GNAI1: variants seen among roughly 807,000 people sequenced by gnomAD.
The protein encoded by GNAI1 is guanine nucleotide-binding protein G(i) subunit alpha-1.
In GNAI1, 11 loss-of-function variants were observed where a neutral mutation model predicts 38.9. The ratio of observed to expected loss-of-function variants is 0.28; its 90% CI spans 0.18 to 0.47. The LOEUF is 0.47. Among genes scored for constraint, GNAI1 ranks in the 20% least tolerant of loss-of-function variants. The pLI is 0.99. For missense variants in GNAI1, 317 were observed against 436.9 expected (o/e 0.73, Z 2.45); for synonymous variants, 166 against 145.1 (o/e 1.14, Z -1.04).
At chr7:80,193,757 G>C (rs1166432927) in intron 3 of GNAI1, among the ~76,000 whole-genome samples, 1 of 151,654 alleles carries the variant, frequency 6.6e-6, no homozygotes, top group Non-Finnish European at 1.5e-5. Flanking sequence ...TGTTCACTCT[G>C]AGAGTTTTTA....
In GNAI1 at chr7:80,217,975, A is replaced by C. The variant is rs1161881474; in HGVS notation, c.*482A>C. 6.6e-6 allele frequency: 1 copy of C among 152,586 alleles called. No homozygotes were observed. The highest frequency in any genetic ancestry group is 1.9e-4 in the East Asian group (1 of 5,186). 9.5% of individuals were successfully genotyped at this position (152,586 alleles called of 1,614,324 possible). The stretch of plus-strand genomic sequence containing the variant: ...TTTAAGTACAGTAATTAATATTAGG[A>C]AACATTACAGCCCTTATCTAGATTA... On this transcript the variant is annotated 3_prime_UTR_variant, in exon 8 of 8. Transcript: ENST00000649796.
rs1238948032 is a variant in GNAI1, at chr7:80,205,385, CAATT to C, written c.590+1555_590+1558del. 5.9e-5 allele frequency among the ~76,000 whole-genome samples: 9 copies of C among 151,940 alleles called. No homozygotes were observed. The East Asian group carries it at 1.7e-3, about 29-fold the overall frequency. ...AGATTGCCACTGCAGTCATGGGCAT[CAATT>C]AGATATCATCTCTCAGCTGCAGAGC... On this transcript the variant is annotated intron_variant, in intron 5 of 7. Transcript: ENST00000649796.
chr7:80,200,682 G>A (rs540679803), intron 4 of GNAI1, among the ~76,000 whole-genome samples: 4 of 152,134 alleles, frequency 2.6e-5, no homozygotes, highest in African/African-American at 9.7e-5. Context: ...GTGTGATTTA[G>A]TGTGTTTAAG....
intron 5 of GNAI1, among the ~76,000 whole-genome samples, chr7:80,205,295 G>A (rs2115688565): frequency 6.6e-6 from 1 of 152,022 alleles, no homozygotes; most frequent in Middle Eastern, 3.4e-3. Context: ...GTTCTTTTAA[G>A]TTTAACAGAT....
rs928714859 is a variant in GNAI1, at chr7:80,188,894, G to C, written c.119-57G>C. ...TGTGTGTGTTTGTGTGTTGGGAGTT[G>C]AATATACTTAAGTGATTATGATGAA... On this transcript the variant is annotated intron_variant, in intron 1 of 7. Transcript: ENST00000649796. The C allele has an allele frequency of 1.3e-5, 14 of 1,067,234 alleles. No homozygotes were observed. The African/African-American group carries it at 1.9e-4, about 14-fold the overall frequency. 66.1% of individuals were successfully genotyped at this position (1,067,234 alleles called of 1,614,324 possible). A position where few individuals can be genotyped will look rare whatever the true frequency, so the allele number is the denominator to read the frequency against.
At chr7:80,199,445 T>TC in intron 4 of GNAI1, 63 bp downstream of exon 4, 1 of 1,237,668 alleles carries the variant, frequency 8.1e-7, no homozygotes, top group Non-Finnish European at 1.1e-6. Context: ...CAAATATACT[T>TC]CCAAGTCAAT....
chr7:80,192,556 A>G (rs935812447), intron 3 of GNAI1, among the ~76,000 whole-genome samples: 2 of 152,124 alleles, frequency 1.3e-5, no homozygotes, highest in African/African-American at 4.8e-5. Context: ...TTGTTTCCTT[A>G]TAATACAAGG....
At position 80,152,452 on chromosome 7, in the gene GNAI1, C is replaced by CT. The variant is rs149492539; in HGVS notation, c.118+17175dup. Among the ~76,000 whole-genome samples the CT allele has an allele frequency of 8.3e-3, 1,258 of 151,430 alleles. 21 individuals are homozygous for CT. The highest frequency in any genetic ancestry group is 0.029 in the African/African-American group (1,203 of 41,266). ...TAACTAGATAGTTTAAAAGGGGAAA[C>CT]TAAGTTATGCATATCCATTGAAATA... On this transcript the variant is annotated intron_variant, in intron 1 of 7. Transcript: ENST00000649796.
chr7:80,136,045 A>G (rs6972357), intron 1 of GNAI1: 83,592 of 984,876 alleles, frequency 0.085, 3,722 homozygotes, highest in Middle Eastern at 0.11. Context: ...CTCCGCTGCC[A>G]CCGTTTCTGA....
chr7:80,179,227 T>G (rs558938801), intron 1 of GNAI1, among the ~76,000 whole-genome samples: 1 of 152,310 alleles, frequency 6.6e-6, no homozygotes, highest in African/African-American at 2.4e-5. Flanking sequence ...GGTGACCTTT[T>G]TCTTCTTTTT....
intron 1 of GNAI1, among the ~76,000 whole-genome samples, chr7:80,151,433 C>T (rs1260898441): frequency 6.6e-6 from 1 of 151,924 alleles, no homozygotes; most frequent in African/African-American, 2.4e-5. Context: ...AAACCACAAA[C>T]CAATAGAGTT....
chr7:80,182,821 CAAGT>C (rs758427540), intron 1 of GNAI1, among the ~76,000 whole-genome samples: 6 of 152,208 alleles, frequency 3.9e-5, no homozygotes, highest in Admixed American at 1.3e-4. Context: ...AGTAAGTCCT[CAAGT>C]AAGAAGACTT....
chr7:80,172,093 G>A (rs1788106800), intron 1 of GNAI1, among the ~76,000 whole-genome samples: 1 of 152,084 alleles, frequency 6.6e-6, no homozygotes, highest in Non-Finnish European at 1.5e-5. Context: ...TTGGAATTAG[G>A]ACCTACATGT....
chr7:80,200,517 C>G (rs1788667173), intron 4 of GNAI1, among the ~76,000 whole-genome samples: 1 of 151,992 alleles, frequency 6.6e-6, no homozygotes. Context: ...TTTCTTGACA[C>G]AGCTGTTGGC....
At chr7:80,175,512 G>A (rs989172641) in intron 1 of GNAI1, among the ~76,000 whole-genome samples, 6 of 146,650 alleles carry the variant, frequency 4.1e-5, no homozygotes, top group Non-Finnish European at 7.5e-5. Flanking sequence ...GGCATACCTT[G>A]TATTATTGTT....
intron 1 of GNAI1, among the ~76,000 whole-genome samples, chr7:80,146,258 T>C (rs967163966): frequency 6.6e-6 from 1 of 152,178 alleles, no homozygotes; most frequent in East Asian, 1.9e-4. Flanking sequence ...CCTAACTGAA[T>C]GCCCTGTAGC....
At chr7:80,176,573 A>G (rs1289870506) in intron 1 of GNAI1, among the ~76,000 whole-genome samples, 1 of 152,338 alleles carries the variant, frequency 6.6e-6, no homozygotes, top group East Asian at 1.9e-4. Context: ...GTTAGGGGCT[A>G]ATGCAGCTGG....
intron 6 of GNAI1, among the ~76,000 whole-genome samples, chr7:80,211,703 G>A (rs1383125186): frequency 1.3e-5 from 2 of 152,316 alleles, no homozygotes; most frequent in East Asian, 3.9e-4. Context: ...ACAGGCCTGA[G>A]CCACCGCACC....
chr7:80,157,511 A>T (rs912578619), intron 1 of GNAI1, among the ~76,000 whole-genome samples: 1 of 152,112 alleles, frequency 6.6e-6, no homozygotes, highest in African/African-American at 2.4e-5. Flanking sequence ...ATTTTGTAAG[A>T]CACTACCAAA....
Sources: allele counts gnomAD v4.1 joint callset (sites outside exome capture counted in the v4.1 genomes callset), GRCh38; gene constraint gnomAD v4.1.1; transcripts MANE v1.5; gene names NCBI Gene and HGNC (gene_info 2026-07-23, HGNC 2026-07-21).